PCDH11X: variants seen among roughly 807,000 people sequenced by gnomAD.
PCDH11X encodes the protein protocadherin 11 X-linked.
In PCDH11X, 18 loss-of-function variants were observed where a neutral mutation model predicts 53.3. The observed-to-expected ratio is 0.34, with a 90% confidence interval of 0.23 to 0.50. The LOEUF (loss-of-function observed/expected upper bound fraction) is 0.50, where lower values mean the gene tolerates loss of function less well. Among genes scored for constraint, PCDH11X ranks in the 20% least tolerant of loss-of-function variants. The probability of loss-of-function intolerance (pLI) is 0.98; values close to 1 mark genes in which losing one functional copy is unlikely to be tolerated. For synonymous variants in PCDH11X, 279 were observed against 393.3 expected (o/e 0.71, Z 3.44); for missense variants, 570 against 1,032.4 (o/e 0.55, Z 6.14).
At chrX:92,270,746 C>T (rs1040905766) in intron 8 of PCDH11X, among the ~76,000 whole-genome samples, 2 of 112,002 alleles carry the variant, frequency 1.8e-5, no homozygotes, top group African/African-American at 6.5e-5. Context: ...AGTAAATCAG[C>T]AGTTTACCTA....
chrX:92,240,839 C>A (rs1253824529), intron 7 of PCDH11X, among the ~76,000 whole-genome samples: 2 of 103,049 alleles, frequency 1.9e-5, no homozygotes, highest in Non-Finnish European at 4.0e-5. Context: ...GAATAAACTA[C>A]TTTTTTTTTT....
intron 6 of PCDH11X, among the ~76,000 whole-genome samples, chrX:91,976,616 A>G (rs2062050569): frequency 9.0e-6 from 1 of 111,724 alleles, no homozygotes. Flanking sequence ...TTAACTTGTC[A>G]CTCAGCCCTG....
At chrX:92,478,304 AT>A (rs2148670873) in intron 10 of PCDH11X, among the ~76,000 whole-genome samples, 1 of 110,999 alleles carries the variant, frequency 9.0e-6, no homozygotes, top group South Asian at 3.8e-4. Context: ...TATTTCACTA[AT>A]TTAAAAAAAA....
intron 6 of PCDH11X, among the ~76,000 whole-genome samples, chrX:92,027,303 C>A (rs1481666420): frequency 9.0e-6 from 1 of 111,389 alleles, no homozygotes; most frequent in African/African-American, 3.3e-5. Context: ...GGCTTATTGG[C>A]CTGTAAAAGA....
intron 6 of PCDH11X, among the ~76,000 whole-genome samples, chrX:92,082,459 A>T (rs776442481): frequency 9.0e-6 from 1 of 111,656 alleles, no homozygotes; most frequent in Non-Finnish European, 1.9e-5. Flanking sequence ...TCACAAGGAT[A>T]ATACGGAGTA....
chrX:92,392,636 A>G (rs747387696), intron 9 of PCDH11X, among the ~76,000 whole-genome samples: 3 of 110,790 alleles, frequency 2.7e-5, no homozygotes, highest in South Asian at 3.8e-4. Flanking sequence ...TTATTTGAAT[A>G]TCTAATTCTA....
At chrX:92,100,642 G>A (rs776215363) in intron 6 of PCDH11X, among the ~76,000 whole-genome samples, 5 of 111,333 alleles carry the variant, frequency 4.5e-5, no homozygotes, top group Non-Finnish European at 7.5e-5. Flanking sequence ...TCGTATCCGT[G>A]CAAGTCACAG....
chrX:92,507,663 G>T (rs1377605072), intron 10 of PCDH11X, among the ~76,000 whole-genome samples: 33 of 111,880 alleles, frequency 2.9e-4, no homozygotes, highest in Non-Finnish European at 5.8e-4. Context: ...AAAAACTTAT[G>T]TGGGAACTAT....
At chrX:92,434,518 C>T (rs1168356368) in intron 9 of PCDH11X, among the ~76,000 whole-genome samples, 1 of 110,407 alleles carries the variant, frequency 9.1e-6, no homozygotes, top group Non-Finnish European at 1.9e-5. Context: ...TAAGTAATGA[C>T]GTAGAGCCAC....
At chrX:92,011,105 T>G (rs1236993853) in intron 6 of PCDH11X, among the ~76,000 whole-genome samples, 1 of 111,772 alleles carries the variant, frequency 8.9e-6, no homozygotes, top group Admixed American at 9.5e-5. Context: ...TACACCACAT[T>G]TTCTTTATTC....
intron 6 of PCDH11X, among the ~76,000 whole-genome samples, chrX:91,923,882 A>G (rs1246608344): frequency 5.4e-5 from 6 of 110,650 alleles, no homozygotes; most frequent in Non-Finnish European, 9.4e-5. Flanking sequence ...TAGACACTGG[A>G]GACTACTAGA....
At position 92,201,334 on chromosome X, in the gene PCDH11X, A is replaced by G. The variant is rs757005267; in HGVS notation, c.3034-41A>G. 3.2e-5 allele frequency: 37 copies of G among 1,173,257 alleles called. No individual in the cohort carries two copies. In the Admixed American group the frequency reaches 8.8e-4, roughly 28 times the overall value. ...AAATGTACTGTGTATTTTACTTTTA[A>G]CAAACAGCTTAAAATACTTCTATTT... is the stretch of plus-strand genomic sequence containing the variant. On this transcript the variant is annotated intron_variant, in intron 6 of 10. Coordinates refer to ENST00000682573, the MANE Select transcript of PCDH11X (RefSeq NM_032968.5).
At chrX:92,051,313 T>C (rs1365022323) in intron 6 of PCDH11X, among the ~76,000 whole-genome samples, 1 of 111,801 alleles carries the variant, frequency 8.9e-6, no homozygotes, top group Non-Finnish European at 1.9e-5. Context: ...GGAAATTGGA[T>C]GATTAAATTT....
At chrX:92,507,637 T>C (rs2074088007) in intron 10 of PCDH11X, among the ~76,000 whole-genome samples, 1 of 111,575 alleles carries the variant, frequency 9.0e-6, no homozygotes, top group Admixed American at 9.6e-5. Context: ...ACTAAATATG[T>C]GATTGATACT....
intron 6 of PCDH11X, among the ~76,000 whole-genome samples, chrX:92,195,336 GA>G (rs754151160): frequency 2.7e-5 from 3 of 111,461 alleles, no homozygotes; most frequent in Non-Finnish European, 5.7e-5. Context: ...CAAGCTTGTT[GA>G]TTTTTCCACC....
At chrX:92,260,953 A>T (rs6652631) in intron 7 of PCDH11X, among the ~76,000 whole-genome samples, 13,295 of 111,134 alleles carry the variant, frequency 0.12, 1,220 homozygotes, top group African/African-American at 0.3. Flanking sequence ...ATTTGGGCAA[A>T]TATTTTGTTA....
Position 92,546,854 on chromosome X carries a change from A to G in PCDH11X, c.3368-71410A>G, listed in dbSNP as rs188782091. Among the ~76,000 whole-genome samples, 260 of 112,091 alleles carry G rather than the reference A, an allele frequency of 2.3e-3. 1 individual carries two copies. Among genetic ancestry groups the G allele is most frequent in the Non-Finnish European group, 3.9e-3 (209 of 53,277 alleles). ...TAGATACTGCCCTTATATTGGGTCTATGTCTGCAGGGGCAAACAGACCACA... is the reference window on the plus strand; with the variant it reads ...TAGATACTGCCCTTATATTGGGTCTGTGTCTGCAGGGGCAAACAGACCACA... On this transcript the variant is annotated intron_variant, in intron 10 of 10. Transcript: ENST00000682573.
At chrX:92,539,397 G>A (rs1361872566) in intron 10 of PCDH11X, among the ~76,000 whole-genome samples, 1 of 111,551 alleles carries the variant, frequency 9.0e-6, no homozygotes, top group Non-Finnish European at 1.9e-5. Flanking sequence ...GCATTCTTAA[G>A]TATGCCAATT....
intron 10 of PCDH11X, among the ~76,000 whole-genome samples, chrX:92,590,663 G>T (rs2556764): frequency 8.9e-6 from 1 of 111,858 alleles, no homozygotes; most frequent in Non-Finnish European, 1.9e-5. Context: ...TCAGATGGGG[G>T]AACTATCTCC....
Sources: gnomAD v4.1 joint callset for allele counts (sites outside exome capture counted in the v4.1 genomes callset) on GRCh38, gnomAD v4.1.1 for gene constraint, MANE v1.5 for transcripts, NCBI Gene and HGNC (gene_info 2026-07-23, HGNC 2026-07-21) for gene names.